Variants in UBA6 observed in about 807,000 individuals in gnomAD.
The protein encoded by UBA6 is ubiquitin-like modifier-activating enzyme 6.
UBA6 carries 87 observed loss-of-function variants against 148.3 expected under a neutral mutation model. The ratio of observed to expected loss-of-function variants is 0.59; its 90% CI spans 0.49 to 0.70. The LOEUF is 0.70. UBA6 is among the 30% of genes least tolerant of loss of function. The probability of loss-of-function intolerance (pLI) is 0.00; values close to 1 mark genes in which losing one functional copy is unlikely to be tolerated. For synonymous variants in UBA6, 376 were observed against 401.0 expected, an observed-to-expected ratio of 0.94 and a Z score of 0.75; for missense variants, 1,186 against 1,241.2, an observed-to-expected ratio of 0.96 and a Z score of 0.67.
At chr4:67,675,350 A>AT (rs1234511527) in intron 6 of UBA6, among the ~76,000 whole-genome samples, 5 of 152,152 alleles carry the variant, frequency 3.3e-5, no homozygotes, top group African/African-American at 1.2e-4. Flanking sequence ...TTTGTATATT[A>AT]TATATTTAAT....
At chr4:67,637,118 G>C (rs1444354608) in intron 19 of UBA6, among the ~76,000 whole-genome samples, 3 of 151,026 alleles carry the variant, frequency 2.0e-5, no homozygotes, top group Admixed American at 6.6e-5. Flanking sequence ...CCGCCCAGCA[G>C]CCACCCCGTC....
intron 25 of UBA6, among the ~76,000 whole-genome samples, chr4:67,631,360 T>C (rs967801779): frequency 9.2e-5 from 14 of 152,238 alleles, no homozygotes; most frequent in Non-Finnish European, 1.8e-4. Flanking sequence ...TAATTATTTG[T>C]TCCTCCATAT....
chr4:67,652,071 G>A (rs1195010369), intron 13 of UBA6, among the ~76,000 whole-genome samples: 1 of 152,040 alleles, frequency 6.6e-6, no homozygotes, highest in Non-Finnish European at 1.5e-5. Flanking sequence ...GAATTGTCTA[G>A]AAGAAAACAG....
intron 1 of UBA6, among the ~76,000 whole-genome samples, chr4:67,699,792 G>A (rs1041577214): frequency 1.3e-5 from 2 of 152,008 alleles, no homozygotes; most frequent in African/African-American, 4.8e-5. Context: ...TTGTAGAGAC[G>A]CGGTTTCGCC....
In UBA6 at chr4:67,624,994, C is replaced by A; in HGVS notation, c.2712G>T (p.Leu904Phe). Residue 904 changes from leucine to phenylalanine, a missense_variant and splice_region_variant, in exon 29 of 33, where the codon TTG (leucine) becomes TTT (phenylalanine). Physicochemically the swap from Leu to Phe is conservative, Grantham distance 22. Coordinates refer to ENST00000322244, the MANE Select transcript of UBA6 (RefSeq NM_018227.6). ...IATTTATVSGLVALEMIKVTG... is the reference protein window; with the variant it reads ...IATTTATVSGFVALEMIKVTG... Reference sequence around the variant, plus strand: ...TTTATTCAAGGAATAATAAACTTACCAAGCCAGAAACTGTAGCAGTGGTTG... The same window carrying A: ...TTTATTCAAGGAATAATAAACTTACAAAGCCAGAAACTGTAGCAGTGGTTG... The A allele has an allele frequency of 6.3e-7, 1 of 1,591,614 alleles. No individual in the cohort carries two copies. The highest frequency in any genetic ancestry group is 8.6e-7 in the Non-Finnish European group (1 of 1,164,526).
intron 2 of UBA6, among the ~76,000 whole-genome samples, chr4:67,694,890 A>T (rs1730795713): frequency 6.6e-6 from 1 of 152,254 alleles, no homozygotes; most frequent in Non-Finnish European, 1.5e-5. Flanking sequence ...AGACACGCAT[A>T]CCAAGTGCTA....
intron 32 of UBA6, among the ~76,000 whole-genome samples, chr4:67,622,624 G>A (rs1390506210): frequency 6.6e-6 from 1 of 152,152 alleles, no homozygotes; most frequent in East Asian, 1.9e-4. Flanking sequence ...GCCAAATCAG[G>A]TTTCTAAACC....
chr4:67,676,891 T>C (rs989455350), intron 6 of UBA6, among the ~76,000 whole-genome samples: 3 of 147,638 alleles, frequency 2.0e-5, no homozygotes, highest in African/African-American at 7.5e-5. Context: ...CAGCATAATT[T>C]ACTCACAGAA....
At chr4:67,621,756 G>C (rs1039132808) in intron 32 of UBA6, among the ~76,000 whole-genome samples, 2 of 152,194 alleles carry the variant, frequency 1.3e-5, no homozygotes, top group African/African-American at 2.4e-5. Flanking sequence ...AGTGAGCTGA[G>C]ATCGCGCCAC....
intron 19 of UBA6, among the ~76,000 whole-genome samples, chr4:67,637,128 C>A (rs1560482120): frequency 6.6e-6 from 1 of 151,938 alleles, no homozygotes; most frequent in Non-Finnish European, 1.5e-5. Flanking sequence ...GCCACCCCGT[C>A]TGGGAAGTGA....
At position 67,666,896 on chromosome 4, in the gene UBA6, A is replaced by G. The variant is rs776163445; in HGVS notation, c.794-1604T>C. Among the ~76,000 whole-genome samples the G allele has an allele frequency of 6.6e-4, 101 of 152,248 alleles. 1 individual carries two copies. Among genetic ancestry groups the G allele is most frequent in the Non-Finnish European group, 2.8e-4 (19 of 68,020 alleles). Reference sequence around the variant, plus strand: ...TCTCAAAAAAAGAAGCAAAAAACAAACGAAAAAACAAAAAAACAAAACAAC... The same window carrying G: ...TCTCAAAAAAAGAAGCAAAAAACAAGCGAAAAAACAAAAAAACAAAACAAC... On this transcript the variant is annotated intron_variant, in intron 9 of 32. Coordinates refer to ENST00000322244, the MANE Select transcript of UBA6 (RefSeq NM_018227.6).
At position 67,619,093 on chromosome 4, in the gene UBA6, A is replaced by AT; in HGVS notation, c.3062dup (p.Tyr1021Ter). ...KLVKPTTEKKYVDLTVSFAPD... is the reference protein window; with the variant it reads ...KLVKPTTEKK ...GAGCAAATGACACAGTAAGATCCACATATTTCTTTTCAGTAGTAGGTTTTA... is the reference window on the plus strand; with the variant it reads ...GAGCAAATGACACAGTAAGATCCACATTATTTCTTTTCAGTAGTAGGTTTTA... The change falls in exon 33 of 33, where the codon TAT (tyrosine) becomes TAAT (stop). Residue 1021 changes from tyrosine (Y) to a stop codon, truncating the protein, a stop_gained and frameshift_variant. Coordinates refer to ENST00000322244, the MANE Select transcript of UBA6 (RefSeq NM_018227.6). LOFTEE classifies it high-confidence loss of function. 1.2e-6 allele frequency: 2 copies of AT among 1,611,536 alleles called. No homozygotes were observed. The highest frequency in any genetic ancestry group is 1.7e-6 in the Non-Finnish European group (2 of 1,177,770).
chr4:67,700,838 G>A (rs1730962848), intron 1 of UBA6, among the ~76,000 whole-genome samples: 1 of 152,178 alleles, frequency 6.6e-6, no homozygotes, highest in Admixed American at 6.5e-5. Flanking sequence ...GGTGCGGAAA[G>A]GGGACTTTTC....
intron 23 of UBA6, 75 bp downstream of exon 23, chr4:67,633,270 C>A (rs1729043071): frequency 1.5e-6 from 2 of 1,291,578 alleles, no homozygotes; most frequent in South Asian, 1.8e-5. Context: ...CATTTCAGGT[C>A]AATGAAATTA....
chr4:67,665,369 G>T, intron 9 of UBA6, 77 bp from the exon 10 acceptor site: 21 of 790,994 alleles, frequency 2.7e-5, no homozygotes, highest in African/African-American at 3.7e-5. Flanking sequence ...GTCATAAGAG[G>T]TTAATTATCC....
At chr4:67,676,354 G>A (rs965630447) in intron 6 of UBA6, among the ~76,000 whole-genome samples, 16 of 152,094 alleles carry the variant, frequency 1.1e-4, no homozygotes, top group African/African-American at 3.6e-4. Context: ...TAAGTTCTCA[G>A]TTTAGGAATT....
chr4:67,671,502 A>G (rs1333017311), intron 7 of UBA6, among the ~76,000 whole-genome samples: 1 of 151,960 alleles, frequency 6.6e-6, no homozygotes, highest in African/African-American at 2.4e-5. Context: ...TTAAAGTTTA[A>G]CTCTAAAGAG....
At chr4:67,621,800 G>A (rs1339794775) in intron 32 of UBA6, among the ~76,000 whole-genome samples, 11 of 152,150 alleles carry the variant, frequency 7.2e-5, no homozygotes, top group South Asian at 6.2e-4. Context: ...GTGAGACTCC[G>A]TCTCAAAAAC....
At chr4:67,654,281 CAG>C (rs1729627006) in intron 13 of UBA6, among the ~76,000 whole-genome samples, 1 of 152,166 alleles carries the variant, frequency 6.6e-6, no homozygotes, top group Non-Finnish European at 1.5e-5. Context: ...TAAAGGCAGC[CAG>C]AGAGAGAGAT....
Sources: allele counts gnomAD v4.1 joint callset (sites outside exome capture counted in the v4.1 genomes callset), GRCh38; gene constraint gnomAD v4.1.1; transcripts MANE v1.5; gene names NCBI Gene and HGNC (gene_info 2026-07-23, HGNC 2026-07-21).